Variants in UTP4 observed in about 807,000 individuals in gnomAD.
UTP4 encodes the protein UTP4 small subunit processome component.
Under a neutral mutation model 82.4 loss-of-function variants are expected in UTP4, and 45 were observed. The observed-to-expected ratio is 0.55, with a 90% CI of 0.43 to 0.70. The LOEUF (loss-of-function observed/expected upper bound fraction) is 0.70. UTP4 is among the 30% of genes least tolerant of loss of function. The pLI is 0.00. For missense variants in UTP4, 819 were observed against 858.3 expected (o/e 0.95, Z 0.57); for synonymous variants, 348 against 300.3 (o/e 1.16, Z -1.64).
At chr16:69,137,599 T>A (rs754031898) in intron 3 of UTP4, among the ~76,000 whole-genome samples, 20 of 152,196 alleles carry the variant, frequency 1.3e-4, no homozygotes, top group Admixed American at 3.9e-4. Context: ...GTCTAGGATA[T>A]GAAGGCTACT....
intron 14 of UTP4, among the ~76,000 whole-genome samples, 179 bp downstream of exon 14, chr16:69,163,357 A>G (rs1963613025): frequency 6.6e-6 from 1 of 152,132 alleles, no homozygotes; most frequent in African/African-American, 2.4e-5. Flanking sequence ...AGCAGTATGC[A>G]TTGGTTTGAT....
chr16:69,133,350 ATGT>A (rs1264090194), intron 1 of UTP4, 105 bp from the exon 2 acceptor site: 26 of 1,013,098 alleles, frequency 2.6e-5, no homozygotes, highest in African/African-American at 4.8e-5. Context: ...CTTCAGGGAG[ATGT>A]TGTTGGAGCC....
Position 69,136,785 on chromosome 16 carries a change from T to A in UTP4, c.249T>A (p.Ile83=). 1 of 1,614,092 alleles carries A rather than the reference T, an allele frequency of 6.2e-7. No individual in the cohort carries two copies. Among genetic ancestry groups the A allele is most frequent in the Non-Finnish European group, 8.5e-7 (1 of 1,180,000 alleles). The part of the protein sequence containing the change: ...RLFSAGLNGE[I]MEYDLQALNI... ...TTAGTGCTGGGCTCAATGGCGAGAT[T>A]ATGGAGTATGATTTACAGGCGTTAA... Residue 83 remains isoleucine, a synonymous_variant, in exon 3 of 17, where the codon ATT becomes ATA. Coordinates refer to ENST00000314423, the MANE Select transcript of UTP4 (RefSeq NM_032830.3).
intron 6 of UTP4, among the ~76,000 whole-genome samples, chr16:69,144,034 C>G (rs1033335261): frequency 3.0e-4 from 45 of 151,628 alleles, no homozygotes; most frequent in African/African-American, 1.1e-3. Context: ...ATTACAGGCC[C>G]CTGTCACCAC....
Position 69,163,130 on chromosome 16 carries a change from T to A in UTP4, c.1599T>A (p.Ala533=). The A allele has an allele frequency of 6.2e-7, 1 of 1,614,194 alleles. No individual in the cohort carries two copies. Among genetic ancestry groups the A allele is most frequent in the South Asian group, 1.1e-5 (1 of 91,090 alleles). ...ACAATTTCCCAGTGACTGCTATGGC[T>A]ATTGCCCCCAATACCAACAACCTTG... The part of the protein sequence containing the change: ...PAYNFPVTAM[A]IAPNTNNLVI... Residue 533 remains alanine (A), a synonymous_variant, in exon 14 of 17, where the codon GCT becomes GCA. Transcript: ENST00000314423.
chr16:69,141,766 A>C (rs1227303077), intron 5 of UTP4, among the ~76,000 whole-genome samples: 1 of 150,334 alleles, frequency 6.7e-6, no homozygotes, highest in Non-Finnish European at 1.5e-5. Context: ...TTTTTCGTGA[A>C]TCTTCTTTTT....
intron 9 of UTP4, among the ~76,000 whole-genome samples, chr16:69,154,144 C>T (rs954478938): frequency 3.3e-5 from 5 of 152,086 alleles, no homozygotes; most frequent in African/African-American, 1.2e-4. Context: ...ACAAACTCCA[C>T]CTGTGTCCCT....
chr16:69,133,430 CAAT>C (rs1962707378), intron 1 of UTP4, 25 bp from the exon 2 acceptor site: 1 of 1,608,646 alleles, frequency 6.2e-7, no homozygotes, highest in African/African-American at 1.3e-5. Flanking sequence ...TAACATATAG[CAAT>C]AATGACTCTC....
Position 69,160,392 on chromosome 16 carries a change from C to G in UTP4, c.1481C>G (p.Pro494Arg). Residue 494 changes from proline (P) to arginine (R), a missense_variant, in exon 13 of 17, where the codon CCA becomes CGA. By Grantham distance (103) the Pro-to-Arg change is moderately radical. Transcript: ENST00000314423. ...VEAMCLLAVS[P>R]DGNWLAASGT... ...GCCATGTGTCTTTTGGCAGTCAGTC[C>G]AGATGGGAATTGGCTAGCTGCATCA... 1 of 1,614,060 alleles carries G rather than the reference C, an allele frequency of 6.2e-7. No individual in the cohort carries two copies. Among genetic ancestry groups the G allele is most frequent in the South Asian group, 1.1e-5 (1 of 91,078 alleles).
chr16:69,168,965 G>C lies in UTP4; in HGVS notation c.*28G>C. On this transcript the variant is annotated 3_prime_UTR_variant, in exon 17 of 17. Transcript: ENST00000314423. ...CAGGGCACTGTCTGTGTCCTTCCTTGAACTGTCTACCCTGTTGCTTTTCAC... is the reference window on the plus strand; with the variant it reads ...CAGGGCACTGTCTGTGTCCTTCCTTCAACTGTCTACCCTGTTGCTTTTCAC... 1.5e-6 allele frequency: 2 copies of C among 1,322,294 alleles called. No homozygotes were observed. Among genetic ancestry groups the C allele is most frequent in the East Asian group, 2.3e-5 (1 of 43,534 alleles). The allele number at this position is 1,322,294 out of a possible 1,614,324, so 81.9% of individuals were successfully genotyped here.
intron 5 of UTP4, among the ~76,000 whole-genome samples, chr16:69,142,479 A>G (rs1385536587): frequency 1.3e-5 from 2 of 152,098 alleles, no homozygotes; most frequent in Non-Finnish European, 2.9e-5. Context: ...CCACCTTCTT[A>G]GTCAGGGCAT....
chr16:69,163,716 T>G (rs1435628711), intron 14 of UTP4, among the ~76,000 whole-genome samples: 1 of 151,800 alleles, frequency 6.6e-6, no homozygotes, highest in Non-Finnish European at 1.5e-5. Flanking sequence ...GCGGAATATA[T>G]TAGGAAGTTA....
At chr16:69,153,072 C>T (rs1963317527) in intron 8 of UTP4, among the ~76,000 whole-genome samples, 2 of 152,106 alleles carry the variant, frequency 1.3e-5, no homozygotes, top group Admixed American at 6.6e-5. Flanking sequence ...TCTTTTTGCA[C>T]CTCTCGTGCT....
chr16:69,145,369 T>G (rs978503965), intron 6 of UTP4, among the ~76,000 whole-genome samples: 1 of 151,798 alleles, frequency 6.6e-6, no homozygotes, highest in Non-Finnish European at 1.5e-5. Context: ...CAAGCGATTC[T>G]CCTGACTCAG....
At chr16:69,168,058 T>C (rs1212847894) in intron 16 of UTP4, among the ~76,000 whole-genome samples, 3 of 151,922 alleles carry the variant, frequency 2.0e-5, no homozygotes, top group Admixed American at 6.6e-5. Context: ...ACATTGATTC[T>C]TGAGATATAA....
intron 6 of UTP4, among the ~76,000 whole-genome samples, chr16:69,148,643 TG>T (rs1250911096): frequency 6.6e-6 from 1 of 151,634 alleles, no homozygotes; most frequent in Non-Finnish European, 1.5e-5. Flanking sequence ...GACACGGTCT[TG>T]CTCTGTCACC....
intron 14 of UTP4, among the ~76,000 whole-genome samples, chr16:69,163,657 A>T (rs1489546342): frequency 6.6e-6 from 1 of 150,962 alleles, no homozygotes; most frequent in Non-Finnish European, 1.5e-5. Context: ...CCAATTTGTA[A>T]GGAGATTGTG....
At chr16:69,167,277 C>T in intron 16 of UTP4, 92 bp downstream of exon 16, 1 of 847,250 alleles carries the variant, frequency 1.2e-6, no homozygotes, top group South Asian at 1.4e-5. Flanking sequence ...AGAGCACCTT[C>T]AGTTTCCATG....
Position 69,139,650 on chromosome 16 carries a change from A to ATAAATAAAT in UTP4, c.437-174_437-166dup, listed in dbSNP as rs1215619630. On this transcript the variant is annotated intron_variant, in intron 4 of 16. Coordinates refer to ENST00000314423, the MANE Select transcript of UTP4 (RefSeq NM_032830.3). ...GAGACTCCGTCTCAAAAATAAATAAATAAATAAATAAATAAATAAATAAAT... is the reference window on the plus strand; with the variant it reads ...GAGACTCCGTCTCAAAAATAAATAAATAAATAAATTAAATAAATAAATAAATAAATAAAT... 6 of 197,880 alleles carry ATAAATAAAT rather than the reference A, an allele frequency of 3.0e-5. No homozygotes were observed. The Admixed American group carries it at 3.1e-4, about 10-fold the overall frequency. 12.3% of individuals were successfully genotyped at this position (197,880 alleles called of 1,614,324 possible). A position where few individuals can be genotyped will look rare whatever the true frequency, so the allele number is the denominator to read the frequency against.
Sources: gnomAD v4.1 joint callset for allele counts (sites outside exome capture counted in the v4.1 genomes callset) on GRCh38, gnomAD v4.1.1 for gene constraint, MANE v1.5 for transcripts, NCBI Gene and HGNC (gene_info 2026-07-23, HGNC 2026-07-21) for gene names.